The following PIK3R5 variants were observed in gnomAD, a reference collection of about 807,000 sequenced individuals.
PIK3R5 encodes the protein phosphoinositide-3-kinase regulatory subunit 5, also known as phosphoinositide 3-kinase regulatory subunit 5.
PIK3R5 carries 32 observed loss-of-function variants against 94.9 expected under a neutral mutation model. That is an observed-to-expected ratio of 0.34 (90% CI 0.25 to 0.45). PIK3R5 has a LOEUF of 0.45. Among genes scored for constraint, PIK3R5 ranks in the 20% least tolerant of loss-of-function variants. The probability of loss-of-function intolerance (pLI) is 1.00; values close to 1 mark genes in which losing one functional copy is unlikely to be tolerated. For synonymous variants in PIK3R5, 443 were observed against 479.4 expected (o/e 0.92, Z 0.99); for missense variants, 853 against 1,144.6 (o/e 0.75, Z 3.68).
At position 8,927,667 on chromosome 17, in the gene PIK3R5, C is replaced by T. The variant is rs555407288; in HGVS notation, c.-13-16160G>A. Among the ~76,000 whole-genome samples, 28 of 152,300 alleles carry T rather than the reference C, an allele frequency of 1.8e-4. 1 individual carries two copies. The South Asian group carries it at 1.9e-3, about 10-fold the overall frequency. On this transcript the variant is annotated intron_variant, in intron 1 of 18. Transcript: ENST00000447110. ...CACTCCTACCGTTTCTAGCCAGAGA[C>T]GTATCAGTGGAGGCCTGTTAGAACT...
chr17:8,894,983 G>A (rs562345145), intron 5 of PIK3R5, among the ~76,000 whole-genome samples: 1 of 152,304 alleles, frequency 6.6e-6, no homozygotes, highest in East Asian at 1.9e-4. Flanking sequence ...TCTAACTTGG[G>A]ACCTAATTGC....
rs899715576 is a variant in PIK3R5 at position 8,884,596 on chromosome 17, C to A, written c.2205+111G>T. On this transcript the variant is annotated intron_variant, in intron 15 of 18. Transcript: ENST00000447110. The surrounding 1 kb of genome is among the most constrained non-coding windows in gnomAD (Gnocchi z 5.8). The stretch of plus-strand genomic sequence containing the variant: ...AGGGGAGCCTGCTGCAGCCTTCCAG[C>A]GTAAAGACTGGGGCCCAGGAACACA... The A allele has an allele frequency of 4.6e-5, 37 of 798,336 alleles. No individual in the cohort carries two copies. The highest frequency in any genetic ancestry group is 3.1e-4 in the South Asian group (20 of 64,250). The allele number at this position is 798,336 out of a possible 1,614,324, so 49.5% of individuals were successfully genotyped here.
intron 1 of PIK3R5, among the ~76,000 whole-genome samples, chr17:8,948,356 G>A (rs964200436): frequency 6.6e-6 from 1 of 152,164 alleles, no homozygotes; most frequent in Non-Finnish European, 1.5e-5. Context: ...TGTATTGAGG[G>A]TCTACTATTT....
At chr17:8,920,282 C>T (rs560629818) in intron 1 of PIK3R5, among the ~76,000 whole-genome samples, 9 of 152,336 alleles carry the variant, frequency 5.9e-5, no homozygotes, top group African/African-American at 1.7e-4. Flanking sequence ...TTCTGACGCA[C>T]AGTTAGACTT....
At position 8,893,431 on chromosome 17, in the gene PIK3R5, G is replaced by A. The variant is rs1181216995; in HGVS notation, c.482+155C>T. ...CAAAATATCACCAGCAGTGCCAGGG[G>A]GTTCCCAGTTCCCTGGAAGCCTGTT... On this transcript the variant is annotated intron_variant, in intron 6 of 18. Coordinates refer to ENST00000447110, the MANE Select transcript of PIK3R5 (RefSeq NM_001142633.3). This position sits in a 1 kb window ranked among gnomAD's most constrained non-coding sequence, Gnocchi z 5.1. Among the ~76,000 whole-genome samples the A allele has an allele frequency of 6.6e-6, 1 of 152,164 alleles. No individual in the cohort carries two copies. The highest frequency in any genetic ancestry group is 1.9e-4 in the East Asian group (1 of 5,198).
chr17:8,956,630 A>T (rs887337121), intron 1 of PIK3R5, among the ~76,000 whole-genome samples: 1 of 152,200 alleles, frequency 6.6e-6, no homozygotes, highest in African/African-American at 2.4e-5. Flanking sequence ...TCTTAAGCAC[A>T]ATAACAGGCC....
At chr17:8,936,501 G>A (rs2091078898) in intron 1 of PIK3R5, among the ~76,000 whole-genome samples, 2 of 152,100 alleles carry the variant, frequency 1.3e-5, no homozygotes, top group Non-Finnish European at 2.9e-5. Context: ...ACATAGTTGG[G>A]ATTATACAGT....
At chr17:8,956,421 C>T (rs1158636879) in intron 1 of PIK3R5, among the ~76,000 whole-genome samples, 1 of 152,100 alleles carries the variant, frequency 6.6e-6, no homozygotes, top group Non-Finnish European at 1.5e-5. Flanking sequence ...CTCTGCTCAG[C>T]CCATCAGAGC....
At chr17:8,942,842 A>G (rs566311320) in intron 1 of PIK3R5, among the ~76,000 whole-genome samples, 6 of 151,696 alleles carry the variant, frequency 4.0e-5, no homozygotes, top group African/African-American at 1.4e-4. Flanking sequence ...TCCTGACCTC[A>G]TGATCCGCCC....
chr17:8,895,788 T>G (rs1269333201), intron 5 of PIK3R5, among the ~76,000 whole-genome samples: 1 of 152,122 alleles, frequency 6.6e-6, no homozygotes, highest in Non-Finnish European at 1.5e-5. Context: ...GGGGGATATT[T>G]AGGAGGATAC....
intron 1 of PIK3R5, among the ~76,000 whole-genome samples, chr17:8,923,449 A>G (rs1206055694): frequency 1.3e-5 from 2 of 152,230 alleles, no homozygotes; most frequent in African/African-American, 4.8e-5. Context: ...CATTTTACAG[A>G]TGAGGAGACT....
In PIK3R5 at chr17:8,881,564, C is replaced by T. The variant is rs2089660491; in HGVS notation, c.2382+66G>A. On this transcript the variant is annotated intron_variant, in intron 17 of 18. Transcript: ENST00000447110. The surrounding 1 kb of genome is among the most constrained non-coding windows in gnomAD (Gnocchi z 4.8). ...ATACATGTGCACACACACGTACACACATACGCACATGCACGCTCCAGTAAG... is the reference window on the plus strand; with the variant it reads ...ATACATGTGCACACACACGTACACATATACGCACATGCACGCTCCAGTAAG... The T allele has an allele frequency of 1.6e-6, 2 of 1,227,836 alleles. No homozygotes were observed. Among genetic ancestry groups the T allele is most frequent in the East Asian group, 2.4e-5 (1 of 41,284 alleles). 76.1% of individuals were successfully genotyped at this position (1,227,836 alleles called of 1,614,324 possible).
intron 4 of PIK3R5, among the ~76,000 whole-genome samples, chr17:8,905,409 T>C (rs1042284660): frequency 1.3e-5 from 2 of 151,220 alleles, no homozygotes; most frequent in Non-Finnish European, 2.9e-5. Flanking sequence ...ATATCTCTTG[T>C]GGCCTGTGAA....
chr17:8,888,926 C>T lies in PIK3R5; in HGVS notation c.896-35G>A. 1 of 1,565,982 alleles carries T rather than the reference C, an allele frequency of 6.4e-7. No homozygotes were observed. The highest frequency in any genetic ancestry group is 8.6e-7 in the Non-Finnish European group (1 of 1,160,266). On this transcript the variant is annotated intron_variant, in intron 9 of 18. Coordinates refer to ENST00000447110, the MANE Select transcript of PIK3R5 (RefSeq NM_001142633.3). This position sits in a 1 kb window ranked among gnomAD's most constrained non-coding sequence, Gnocchi z 7.8. ...AGCAAGGCCAGCACTGTCTGGGCGT[C>T]TGGGCCCCGGATCCCCTTCTATATT...
rs1166242140 is a variant in PIK3R5 at position 8,916,538 on chromosome 17, T to G, written c.-13-5031A>C. 6.3e-5 allele frequency: 8 copies of G among 126,374 alleles called. 1 individual carries two copies. Among genetic ancestry groups the G allele is most frequent in the African/African-American group, 2.5e-4 (8 of 32,640 alleles). 7.8% of individuals were successfully genotyped at this position (126,374 alleles called of 1,614,324 possible). The stretch of plus-strand genomic sequence containing the variant: ...CCAGTGGTGAGGTGGTGTTGAAATA[T>G]CCAACAACAGGGCCTTCCCCCATCT... On this transcript the variant is annotated intron_variant, in intron 1 of 18. Transcript: ENST00000447110.
In PIK3R5 at chr17:8,888,155, G is replaced by C. The variant is rs746516949; in HGVS notation, c.1616+16C>G. 8.1e-6 allele frequency: 13 copies of C among 1,612,356 alleles called. No individual in the cohort carries two copies. The highest frequency in any genetic ancestry group is 6.7e-5 in the African/African-American group (5 of 74,864). On this transcript the variant is annotated intron_variant, in intron 10 of 18. Coordinates refer to ENST00000447110, the MANE Select transcript of PIK3R5 (RefSeq NM_001142633.3). This position sits in a 1 kb window ranked among gnomAD's most constrained non-coding sequence, Gnocchi z 7.8. ...GTTACCCAGGGCAGAGGGATGCTCCGCATTACGGCTCTTACCGAAGGTTGC... is the reference window on the plus strand; with the variant it reads ...GTTACCCAGGGCAGAGGGATGCTCCCCATTACGGCTCTTACCGAAGGTTGC...
At chr17:8,940,964 C>T (rs764250547) in intron 1 of PIK3R5, among the ~76,000 whole-genome samples, 11 of 152,268 alleles carry the variant, frequency 7.2e-5, no homozygotes, top group South Asian at 2.1e-4. Flanking sequence ...TTCAAGGCAT[C>T]CCCGCTCCTC....
At position 8,896,694 on chromosome 17, in the gene PIK3R5, A is replaced by G. The variant is rs574045384; in HGVS notation, c.413-3039T>C. Reference sequence around the variant, plus strand: ...CTGCACAGAACAGCAGACTGTGAAGATCCAGGACACAGGAAAATCACTACA... The same window carrying G: ...CTGCACAGAACAGCAGACTGTGAAGGTCCAGGACACAGGAAAATCACTACA... On this transcript the variant is annotated intron_variant, in intron 5 of 18. Coordinates refer to ENST00000447110, the MANE Select transcript of PIK3R5 (RefSeq NM_001142633.3). The surrounding 1 kb of genome is among the most constrained non-coding windows in gnomAD (Gnocchi z 4.0). 8.5e-5 allele frequency among the ~76,000 whole-genome samples: 13 copies of G among 152,172 alleles called. No homozygotes were observed. The highest frequency in any genetic ancestry group is 1.5e-4 in the Non-Finnish European group (10 of 68,032).
rs1018808224 is a variant in PIK3R5 at position 8,955,920 on chromosome 17, C to T, written c.-14+9676G>A. Among the ~76,000 whole-genome samples, 1 of 152,034 alleles carries T rather than the reference C, an allele frequency of 6.6e-6. No individual in the cohort carries two copies. Among genetic ancestry groups the T allele is most frequent in the Non-Finnish European group, 1.5e-5 (1 of 68,010 alleles). On this transcript the variant is annotated intron_variant, in intron 1 of 18. Transcript: ENST00000447110. The surrounding 1 kb of genome is among the most constrained non-coding windows in gnomAD (Gnocchi z 4.4). ...AAATAACCCGCATGTACTTGGAGGC[C>T]GAAGCAGGTAGATCACTTGAGCCCA...
Sources: allele counts gnomAD v4.1 joint callset (sites outside exome capture counted in the v4.1 genomes callset), GRCh38; gene constraint gnomAD v4.1.1; non-coding constraint Gnocchi (gnomAD v3.1); transcripts MANE v1.5; gene names NCBI Gene and HGNC (gene_info 2026-07-23, HGNC 2026-07-21).